The following CCT7 variants were observed in gnomAD, a reference collection of about 807,000 sequenced individuals.
The protein encoded by CCT7 is T-complex protein 1 subunit eta.
Under a neutral mutation model 56.6 loss-of-function variants are expected in CCT7, and 16 were observed. The observed-to-expected ratio is 0.28, with a 90% CI of 0.19 to 0.43. The LOEUF is 0.43. Ranked by LOEUF, CCT7 falls within the 20% of genes least tolerant of loss-of-function variation. The pLI is 1.00. For synonymous variants in CCT7, 262 were observed against 254.8 expected, an observed-to-expected ratio of 1.03 and a Z score of -0.27; for missense variants, 519 against 685.6, an observed-to-expected ratio of 0.76 and a Z score of 2.71.
chr2:73,243,891 G>A (rs1687218161), intron 4 of CCT7, 106 bp from the exon 5 acceptor site: 1 of 970,670 alleles, frequency 1.0e-6, no homozygotes, highest in Non-Finnish European at 1.6e-6. Context: ...GAGTAGAAAT[G>A]CTTAGGATTT....
chr2:73,245,917 G>A (rs1359605059), intron 6 of CCT7, among the ~76,000 whole-genome samples: 1 of 152,048 alleles, frequency 6.6e-6, no homozygotes, highest in Non-Finnish European at 1.5e-5. Context: ...CTTTAGTAGC[G>A]ATTTTTCATC....
intron 7 of CCT7, 74 bp downstream of exon 7, chr2:73,248,000 C>A: frequency 7.5e-7 from 1 of 1,336,086 alleles, no homozygotes; most frequent in Non-Finnish European, 1.1e-6. Flanking sequence ...GTCTTCATGG[C>A]TATTGTGGGC....
intron 11 of CCT7, among the ~76,000 whole-genome samples, 164 bp downstream of exon 11, chr2:73,251,596 A>G (rs1170997668): frequency 6.6e-6 from 1 of 152,218 alleles, no homozygotes; most frequent in African/African-American, 2.4e-5. Context: ...GCAGAAGGAA[A>G]GCCATGGTGC....
In CCT7 at chr2:73,251,546, C is replaced by T. The variant is rs1293033756; in HGVS notation, c.1410+114C>T. 3.5e-6 allele frequency: 3 copies of T among 868,630 alleles called. No homozygotes were observed. In the South Asian group the frequency reaches 4.9e-5, roughly 14 times the overall value. The allele number at this position is 868,630 out of a possible 1,614,324, so 53.8% of individuals were successfully genotyped here. On this transcript the variant is annotated intron_variant, in intron 11 of 11. Transcript: ENST00000258091. ...CTGGCCCAGGAGATAGGCTGCAACTCCCCCCAGCCTGTCTGCCTGACCAAC... is the reference window on the plus strand; with the variant it reads ...CTGGCCCAGGAGATAGGCTGCAACTTCCCCCAGCCTGTCTGCCTGACCAAC...
Position 73,252,837 on chromosome 2 carries a change from C to CCGTGGT in CCT7, c.1614_1619dup (p.Gly540_Arg541dup). 6.2e-7 allele frequency: 1 copy of CCGTGGT among 1,613,944 alleles called. No individual in the cohort carries two copies. Among genetic ancestry groups the CCGTGGT allele is most frequent in the Middle Eastern group, 1.6e-4 (1 of 6,062 alleles). Reference sequence around the variant, plus strand: ...ATGCTCCCACAGCAGCAGGCCGGGGCCGTGGTCGTGGCCGCCCCCACTGAG... The same window carrying CCGTGGT: ...ATGCTCCCACAGCAGCAGGCCGGGGCCGTGGTCGTGGTCGTGGCCGCCCCCACTGAG... On this transcript the variant is annotated inframe_insertion, in exon 12 of 12. Coordinates refer to ENST00000258091, the MANE Select transcript of CCT7 (RefSeq NM_006429.4).
At chr2:73,244,140 A>T in intron 5 of CCT7, 91 bp downstream of exon 5, 1 of 1,250,182 alleles carries the variant, frequency 8.0e-7, no homozygotes, top group Non-Finnish European at 1.1e-6. Context: ...GGCTCAAGTG[A>T]TCTCCCACCT....
At position 73,243,017 on chromosome 2, in the gene CCT7, C is replaced by T; in HGVS notation, c.281C>T (p.Thr94Ile). The T allele has an allele frequency of 6.2e-7, 1 of 1,613,944 alleles. No homozygotes were observed. Among genetic ancestry groups the T allele is most frequent in the Non-Finnish European group, 8.5e-7 (1 of 1,179,892 alleles). Residue 94 changes from threonine (T) to isoleucine (I), a missense_variant, in exon 4 of 12, where the codon ACC becomes ATC. Thr to Ile is a moderately conservative substitution (Grantham distance 89, BLOSUM62 -1). This residue lies in a region of CCT7 where 276 missense variants were observed against 357.3 expected (regional missense o/e 0.77). Transcript: ENST00000258091. ...KSQDAEVGDG[T>I]TSVTLLAAEF... ...ATCATCTTCCAGGTGGGTGATGGCA[C>T]CACCTCAGTGACCTTGCTGGCTGCA...
At chr2:73,250,960 AC>A (rs1457467555) in intron 10 of CCT7, among the ~76,000 whole-genome samples, 5 of 151,958 alleles carry the variant, frequency 3.3e-5, no homozygotes, top group Non-Finnish European at 7.4e-5. Context: ...TTGTTAGCAA[AC>A]TGGAGCTAAT....
At chr2:73,238,668 C>T (rs1197846173) in intron 1 of CCT7, among the ~76,000 whole-genome samples, 1 of 152,246 alleles carries the variant, frequency 6.6e-6, no homozygotes, top group African/African-American at 2.4e-5. Flanking sequence ...ATCCTTACTA[C>T]ATTCTGTGTC....
intron 11 of CCT7, among the ~76,000 whole-genome samples, chr2:73,252,267 G>A (rs930294248): frequency 6.6e-6 from 1 of 151,012 alleles, no homozygotes; most frequent in African/African-American, 2.4e-5. Context: ...GAAGCAATGA[G>A]ATGAAAGATG....
intron 1 of CCT7, among the ~76,000 whole-genome samples, chr2:73,235,392 C>T (rs769298211): frequency 2.3e-4 from 35 of 152,210 alleles, no homozygotes; most frequent in African/African-American, 8.2e-4. Flanking sequence ...CCGACTCTAT[C>T]TTCTGCTCTT....
rs1687523084 is a variant in CCT7 at position 73,250,339 on chromosome 2, G to T, written c.1104G>T (p.Lys368Asn). ...TTTTTACTGGCTGCCCCAAGGCCAAGACATGCACCTTCATTCTCCGTGGCG... is the reference window on the plus strand; with the variant it reads ...TTTTTACTGGCTGCCCCAAGGCCAATACATGCACCTTCATTCTCCGTGGCG... ...YNFFTGCPKA[K>N]TCTFILRGGA... is the part of the protein sequence containing the mutation. The change falls in exon 10 of 12, where the codon AAG becomes AAT. Residue 368 changes from lysine (K) to asparagine (N), a missense_variant. Coordinates refer to ENST00000258091, the MANE Select transcript of CCT7 (RefSeq NM_006429.4). 6.2e-7 allele frequency: 1 copy of T among 1,614,002 alleles called. No homozygotes were observed. Among genetic ancestry groups the T allele is most frequent in the South Asian group, 1.1e-5 (1 of 91,076 alleles).
At chr2:73,246,571 C>T (rs1687347358) in intron 6 of CCT7, among the ~76,000 whole-genome samples, 1 of 152,180 alleles carries the variant, frequency 6.6e-6, no homozygotes. Flanking sequence ...CTGCGTAAAG[C>T]CTTCTGATAT....
chr2:73,250,524 C>G, intron 10 of CCT7, 86 bp downstream of exon 10: 1 of 1,495,266 alleles, frequency 6.7e-7, no homozygotes, highest in Non-Finnish European at 9.2e-7. Context: ...GTGGTGATTC[C>G]TTCTCTATAT....
intron 4 of CCT7, 55 bp downstream of exon 4, chr2:73,243,184 T>C: frequency 6.3e-7 from 1 of 1,586,738 alleles, no homozygotes. Context: ...ACATTTCTCT[T>C]AGGAAGGGGA....
intron 9 of CCT7, 33 bp from the exon 10 acceptor site, chr2:73,250,273 G>C: frequency 6.2e-7 from 1 of 1,613,300 alleles, no homozygotes; most frequent in South Asian, 1.1e-5. Flanking sequence ...GCAGACAAGA[G>C]TTCATGTGTG....
intron 4 of CCT7, 33 bp from the exon 5 acceptor site, chr2:73,243,964 A>G (rs776369183): frequency 2.5e-6 from 4 of 1,608,788 alleles, no homozygotes; most frequent in Admixed American, 3.3e-5. Context: ...TGTCTTTAGC[A>G]TGAGAGACTC....
At position 73,252,725 on chromosome 2, in the gene CCT7, G is replaced by A. The variant is rs773269403; in HGVS notation, c.1496G>A (p.Arg499Gln). 22 of 1,613,984 alleles carry A rather than the reference G, an allele frequency of 1.4e-5. 1 individual carries two copies. Among genetic ancestry groups the A allele is most frequent in the Middle Eastern group, 1.6e-4 (1 of 6,084 alleles). Reference sequence around the variant, plus strand: ...TTCGTGTGGGAGCCAGCTATGGTGCGGATCAATGCGCTGACAGCAGCCTCT... The same window carrying A: ...TTCGTGTGGGAGCCAGCTATGGTGCAGATCAATGCGCTGACAGCAGCCTCT... The part of the protein sequence containing the change: ...EAFVWEPAMV[R>Q]INALTAASEA... The change falls in exon 12 of 12, where the codon CGG becomes CAG. Residue 499 changes from arginine to glutamine, a missense_variant. By Grantham distance (43) the Arg-to-Gln change is conservative. Transcript: ENST00000258091.
chr2:73,243,348 A>G (rs1013574790), intron 4 of CCT7, among the ~76,000 whole-genome samples: 1 of 152,194 alleles, frequency 6.6e-6, no homozygotes, highest in Non-Finnish European at 1.5e-5. Flanking sequence ...AGCCTGGTAG[A>G]CTATGATGTA....
Sources: gnomAD v4.1 joint callset for allele counts (sites outside exome capture counted in the v4.1 genomes callset) on GRCh38, gnomAD v4.1.1 for gene constraint, gnomAD v4.1.1 regional missense constraint, MANE v1.5 for transcripts, NCBI Gene and HGNC (gene_info 2026-07-23, HGNC 2026-07-21) for gene names.